Variants in ZNF362 observed in about 807,000 individuals in gnomAD.
The protein encoded by ZNF362 is rotund homolog.
A neutral mutation model predicts 42.9 loss-of-function variants in ZNF362; 11 were observed. The ratio of observed to expected loss-of-function variants is 0.26; its 90% confidence interval spans 0.16 to 0.42. The LOEUF (loss-of-function observed/expected upper bound fraction) is 0.42. Among genes scored for constraint, ZNF362 ranks in the 20% least tolerant of loss-of-function variants. The pLI is 1.00. For synonymous variants in ZNF362, 255 were observed against 257.3 expected (o/e 0.99, Z 0.09); for missense variants, 362 against 576.2 (o/e 0.63, Z 3.81).
chr1:33,282,976 TC>T (rs1302833457), intron 6 of ZNF362, among the ~76,000 whole-genome samples: 2 of 152,172 alleles, frequency 1.3e-5, no homozygotes, highest in Non-Finnish European at 2.9e-5. Flanking sequence ...CACCGTTTTC[TC>T]ACATGACGAT....
chr1:33,218,737 A>G, the ZNF362 span, among the ~76,000 whole-genome samples: 4 of 152,008 alleles, frequency 2.6e-5, no homozygotes, highest in Non-Finnish European at 5.9e-5. Context: ...TTGCTTTTTA[A>G]GAACTCTTTG....
At chr1:33,219,581 G>T in the ZNF362 span, among the ~76,000 whole-genome samples, 1 of 152,182 alleles carries the variant, frequency 6.6e-6, no homozygotes, top group African/African-American at 2.4e-5. Context: ...ATGGCCGTGG[G>T]TGAGATGTGC....
the ZNF362 span, among the ~76,000 whole-genome samples, chr1:33,159,033 C>T: frequency 2.6e-5 from 4 of 151,688 alleles, no homozygotes; most frequent in Admixed American, 6.6e-5. The surrounding 1 kb of genome is among the most constrained non-coding windows in gnomAD (Gnocchi z 4.2). Flanking sequence ...TTAGTAGAGA[C>T]GGGGTTTCAC....
At position 33,280,072 on chromosome 1, in the gene ZNF362, G is replaced by T; in HGVS notation, c.350-52G>T. ...ATCACATAGCTGGGTGGGCAGCTGA[G>T]CTGGCCTCTGCAGCTCCGCTCACCC... On this transcript the variant is annotated intron_variant, in intron 4 of 8. Transcript: ENST00000539719. This position sits in a 1 kb window ranked among gnomAD's most constrained non-coding sequence, Gnocchi z 5.6. The T allele has an allele frequency of 6.6e-7, 1 of 1,509,814 alleles. No individual in the cohort carries two copies. Among genetic ancestry groups the T allele is most frequent in the Non-Finnish European group, 8.9e-7 (1 of 1,128,430 alleles). 93.5% of individuals were successfully genotyped at this position (1,509,814 alleles called of 1,614,324 possible).
intron 1 of ZNF362, among the ~76,000 whole-genome samples, chr1:33,263,913 G>C (rs1645846333): frequency 1.3e-5 from 2 of 152,132 alleles, no homozygotes; most frequent in Admixed American, 1.3e-4. Context: ...GTCTTCCCTG[G>C]CCTGTTCCCC....
chr1:33,269,670 G>A (rs1423917178), intron 1 of ZNF362, among the ~76,000 whole-genome samples: 3 of 152,170 alleles, frequency 2.0e-5, no homozygotes, highest in Admixed American at 6.5e-5. Flanking sequence ...TCAAAGTGCT[G>A]AGATTACAGG....
chr1:33,133,504 C>T, the ZNF362 span, among the ~76,000 whole-genome samples: 8 of 152,180 alleles, frequency 5.3e-5, no homozygotes, highest in Non-Finnish European at 1.2e-4. Context: ...GACCTGGGAC[C>T]ACCGGCGGCA....
At chr1:33,165,426 C>CCCTCATCTCTGCCGG in the ZNF362 span, 4 of 1,515,834 alleles carry the variant, frequency 2.6e-6, no homozygotes, top group African/African-American at 1.4e-5. This position sits in a 1 kb window ranked among gnomAD's most constrained non-coding sequence, Gnocchi z 4.0. Context: ...CGAAGCCCTG[C>CCCTCATCTCTGCCGG]CCTCATCTCT....
At chr1:33,130,212 G>T in the ZNF362 span, among the ~76,000 whole-genome samples, 24 of 152,298 alleles carry the variant, frequency 1.6e-4, no homozygotes, top group South Asian at 3.5e-3. Flanking sequence ...GATGCGGTAG[G>T]CAGTCTCTGA....
At chr1:33,147,945 A>C in the ZNF362 span, among the ~76,000 whole-genome samples, 1 of 152,110 alleles carries the variant, frequency 6.6e-6, no homozygotes, top group Non-Finnish European at 1.5e-5. This position sits in a 1 kb window ranked among gnomAD's most constrained non-coding sequence, Gnocchi z 8.1. Flanking sequence ...TCTGCAGGGG[A>C]GCAGGGGCTA....
the ZNF362 span, among the ~76,000 whole-genome samples, chr1:33,213,547 G>A: frequency 2.0e-5 from 3 of 151,960 alleles, no homozygotes; most frequent in Non-Finnish European, 2.9e-5. Context: ...TATTTTGGGG[G>A]TTTTAAAACA....
the ZNF362 span, among the ~76,000 whole-genome samples, chr1:33,162,509 C>T: frequency 2.0e-5 from 3 of 152,218 alleles, no homozygotes; most frequent in Admixed American, 1.3e-4. Context: ...AATGACATCT[C>T]CCTCGGCTCT....
chr1:33,286,003 C>T (rs1394313082), intron 6 of ZNF362, among the ~76,000 whole-genome samples: 4 of 152,080 alleles, frequency 2.6e-5, no homozygotes, highest in East Asian at 1.9e-4. Flanking sequence ...GCGGAGGTTG[C>T]GGTGAGCTGA....
chr1:33,181,562 G>A, the ZNF362 span: 1 of 1,402,124 alleles, frequency 7.1e-7, no homozygotes, highest in African/African-American at 1.5e-5. This position sits in a 1 kb window ranked among gnomAD's most constrained non-coding sequence, Gnocchi z 6.5. Flanking sequence ...AGGAGCTACC[G>A]GAGAAGGGAG....
chr1:33,290,142 C>G (rs922800192), intron 6 of ZNF362, among the ~76,000 whole-genome samples: 1 of 151,956 alleles, frequency 6.6e-6, no homozygotes, highest in African/African-American at 2.4e-5. Context: ...ATGTGCAGAA[C>G]GTGCAGGTTT....
At chr1:33,226,661 T>C in the ZNF362 span, among the ~76,000 whole-genome samples, 4 of 152,180 alleles carry the variant, frequency 2.6e-5, no homozygotes, top group Non-Finnish European at 4.4e-5. Context: ...GGTCAGGAGT[T>C]CAAGACCAGC....
In ZNF362 at chr1:33,277,642, G is replaced by A. The variant is rs113423345; in HGVS notation, c.349+1048G>A. Among the ~76,000 whole-genome samples, 205 of 152,320 alleles carry A rather than the reference G, an allele frequency of 1.3e-3. 4 individuals carry two copies. The highest frequency in any genetic ancestry group is 4.2e-3 in the African/African-American group (175 of 41,562). ...AATGCCGTGGTAGTGGGAATGGAGA[G>A]AAGTGGACAGATATGAGATACATTG... On this transcript the variant is annotated intron_variant, in intron 4 of 8. Transcript: ENST00000539719.
In ZNF362 at chr1:33,270,540, G is replaced by A. The variant is rs779712290; in HGVS notation, c.-35G>A. The A allele has an allele frequency of 9.1e-6, 13 of 1,429,620 alleles. No individual in the cohort carries two copies. In the East Asian group the frequency reaches 1.1e-4, roughly 13 times the overall value. 88.6% of individuals were successfully genotyped at this position (1,429,620 alleles called of 1,614,324 possible). ...TGGCTGGGGGTTCAGGGAAAGCTCCGTAGAAGAGGGAACACTTGAGCTGGG... is the reference window on the plus strand; with the variant it reads ...TGGCTGGGGGTTCAGGGAAAGCTCCATAGAAGAGGGAACACTTGAGCTGGG... On this transcript the variant is annotated 5_prime_UTR_variant, in exon 2 of 9. Transcript: ENST00000539719.
the ZNF362 span, among the ~76,000 whole-genome samples, chr1:33,144,947 A>G: frequency 6.6e-6 from 1 of 152,216 alleles, no homozygotes; most frequent in African/African-American, 2.4e-5. Context: ...CAGCTTACCA[A>G]TAAATTATGT....
Sources: allele counts gnomAD v4.1 joint callset (sites outside exome capture counted in the v4.1 genomes callset), GRCh38; gene constraint gnomAD v4.1.1; non-coding constraint Gnocchi (gnomAD v3.1); transcripts MANE v1.5; gene names NCBI Gene and HGNC (gene_info 2026-07-23, HGNC 2026-07-21).